The following MYO1D variants were observed in gnomAD, a reference collection of about 807,000 sequenced individuals.
MYO1D encodes unconventional myosin-Id.
In MYO1D, 83 loss-of-function variants were observed where a neutral mutation model predicts 122.0. The ratio of observed to expected loss-of-function variants is 0.68; its 90% CI spans 0.57 to 0.82. The LOEUF (loss-of-function observed/expected upper bound fraction) is 0.82, where lower values mean the gene tolerates loss of function less well. Ranked by LOEUF, MYO1D falls within the 40% of genes least tolerant of loss-of-function variation. The pLI, the probability that MYO1D is intolerant of heterozygous loss-of-function variation, is 0.00. For synonymous variants in MYO1D, 464 were observed against 446.9 expected, an observed-to-expected ratio of 1.04 and a Z score of -0.48; for missense variants, 1,157 against 1,269.5, an observed-to-expected ratio of 0.91 and a Z score of 1.35.
intron 20 of MYO1D, among the ~76,000 whole-genome samples, chr17:32,605,937 C>A (rs1457768695): frequency 2.0e-5 from 3 of 149,752 alleles, no homozygotes; most frequent in Admixed American, 1.3e-4. Flanking sequence ...AAAAAAAAAA[C>A]ACACAAAAAA....
chr17:32,771,502 C>T (rs1166643211), intron 5 of MYO1D, among the ~76,000 whole-genome samples: 2 of 152,028 alleles, frequency 1.3e-5, no homozygotes, highest in Non-Finnish European at 2.9e-5. Context: ...CTTTGAATGC[C>T]GTCATTTGTA....
At chr17:32,504,045 T>A (rs1186904388) in intron 21 of MYO1D, among the ~76,000 whole-genome samples, 1 of 152,172 alleles carries the variant, frequency 6.6e-6, no homozygotes, top group Non-Finnish European at 1.5e-5. Context: ...CCTTTCTGGG[T>A]CTGCAGCTGG....
chr17:32,696,640 T>A (rs534727314), intron 16 of MYO1D, among the ~76,000 whole-genome samples: 1 of 152,234 alleles, frequency 6.6e-6, no homozygotes, highest in South Asian at 2.1e-4. Flanking sequence ...ATTCTAAGTT[T>A]AATTCTGTCC....
intron 1 of MYO1D, among the ~76,000 whole-genome samples, chr17:32,786,571 G>A (rs1020778033): frequency 1.4e-4 from 22 of 152,252 alleles, no homozygotes; most frequent in Admixed American, 3.3e-4. Flanking sequence ...TGGAACCCTA[G>A]CATTTTGGGA....
chr17:32,819,452 C>G (rs2090641828), intron 1 of MYO1D, among the ~76,000 whole-genome samples: 1 of 152,202 alleles, frequency 6.6e-6, no homozygotes, highest in Non-Finnish European at 1.5e-5. Context: ...TGCTCCTTCT[C>G]AAGGCTGACT....
intron 16 of MYO1D, among the ~76,000 whole-genome samples, chr17:32,700,749 GC>G (rs1215741018): frequency 3.3e-5 from 5 of 152,028 alleles, no homozygotes; most frequent in African/African-American, 9.7e-5. Flanking sequence ...TTCGAGACCA[GC>G]CTGGCCAACA....
intron 1 of MYO1D, among the ~76,000 whole-genome samples, chr17:32,781,630 T>C (rs1466376065): frequency 1.3e-5 from 2 of 150,236 alleles, no homozygotes; most frequent in Non-Finnish European, 2.9e-5. Context: ...TATAGACAAA[T>C]ACATGTTATA....
At chr17:32,796,300 TGAAGGA>T (rs2090416542) in intron 1 of MYO1D, among the ~76,000 whole-genome samples, 1 of 152,176 alleles carries the variant, frequency 6.6e-6, no homozygotes, top group Non-Finnish European at 1.5e-5. Context: ...CTCAGGAAAA[TGAAGGA>T]TACCTGGACC....
chr17:32,587,099 G>GA (rs1488656769), intron 21 of MYO1D, among the ~76,000 whole-genome samples: 2 of 152,160 alleles, frequency 1.3e-5, no homozygotes, highest in African/African-American at 4.8e-5. Flanking sequence ...TTTGTTACTA[G>GA]TTTTTCCAAG....
At chr17:32,775,749 GA>G in intron 4 of MYO1D, 114 bp downstream of exon 4, 2 of 896,952 alleles carry the variant, frequency 2.2e-6, no homozygotes, top group Non-Finnish European at 3.3e-6. Context: ...AGCTAATGAA[GA>G]AGGGAGAATA....
intron 21 of MYO1D, among the ~76,000 whole-genome samples, chr17:32,500,926 G>A (rs1168808803): frequency 2.0e-5 from 3 of 151,736 alleles, no homozygotes; most frequent in Middle Eastern, 3.4e-3. Context: ...GGAGAATGGC[G>A]TGAACCTGGG....
intron 13 of MYO1D, among the ~76,000 whole-genome samples, chr17:32,740,995 A>C (rs1229180639): frequency 6.6e-6 from 1 of 152,110 alleles, no homozygotes; most frequent in African/African-American, 2.4e-5. Flanking sequence ...ACACAGACAC[A>C]CACATACATG....
intron 1 of MYO1D, among the ~76,000 whole-genome samples, chr17:32,791,249 A>C (rs563178936): frequency 1.6e-4 from 25 of 151,676 alleles, no homozygotes; most frequent in Non-Finnish European, 3.1e-4. Context: ...CTGTAATCTC[A>C]GCTACTCGGG....
At chr17:32,819,311 C>T (rs1459065099) in intron 1 of MYO1D, among the ~76,000 whole-genome samples, 1 of 151,684 alleles carries the variant, frequency 6.6e-6, no homozygotes, top group Admixed American at 6.6e-5. Flanking sequence ...ACAGAGATCT[C>T]ACAGGAATTC....
intron 17 of MYO1D, 179 bp downstream of exon 17, chr17:32,658,936 T>C (rs113189200): frequency 1.4e-5 from 9 of 633,940 alleles, no homozygotes; most frequent in African/African-American, 7.3e-5. Flanking sequence ...AGTTCCTTTA[T>C]TTTGAGGGGT....
At chr17:32,837,956 C>T (rs2090843700) in intron 1 of MYO1D, among the ~76,000 whole-genome samples, 1 of 128,908 alleles carries the variant, frequency 7.8e-6, no homozygotes, top group South Asian at 2.6e-4. Flanking sequence ...AGGTATTGTG[C>T]TTTTCTTTTC....
chr17:32,527,275 G>A (rs936652276), intron 21 of MYO1D, among the ~76,000 whole-genome samples: 1 of 152,300 alleles, frequency 6.6e-6, no homozygotes, highest in East Asian at 1.9e-4. Context: ...TGTGCCTGGC[G>A]CTGCCAAACC....
At position 32,718,447 on chromosome 17, in the gene MYO1D, C is replaced by G. The variant is rs1315717649; in HGVS notation, c.1913+2576G>C. On this transcript the variant is annotated intron_variant, in intron 15 of 21. Transcript: ENST00000318217. ...GCGTGGTGGCTCATGCCTATAATCC[C>G]AGCACTTTGGGAGGCTGAGGCGGGT... 2.0e-5 allele frequency among the ~76,000 whole-genome samples: 3 copies of G among 152,258 alleles called. No individual in the cohort carries two copies. In the East Asian group the frequency reaches 5.8e-4, roughly 29 times the overall value.
At position 32,552,660 on chromosome 17, in the gene MYO1D, T is replaced by C. The variant is rs73276373; in HGVS notation, c.2864+52427A>G. On this transcript the variant is annotated intron_variant, in intron 21 of 21. Transcript: ENST00000318217. ...ACTGTGCTGGGTACTAGAGAGAGGA[T>C]GTTTAAGAACAGTCACTGCAGTGGA... Among the ~76,000 whole-genome samples the C allele has an allele frequency of 8.4e-3, 1,278 of 152,328 alleles. 20 individuals carry two copies. The highest frequency in any genetic ancestry group is 0.028 in the African/African-American group (1,170 of 41,570).
Sources: allele counts gnomAD v4.1 joint callset (sites outside exome capture counted in the v4.1 genomes callset), GRCh38; gene constraint gnomAD v4.1.1; transcripts MANE v1.5; gene names NCBI Gene and HGNC (gene_info 2026-07-23, HGNC 2026-07-21).